LTBP1: variants seen among roughly 807,000 people sequenced by gnomAD.
The protein encoded by LTBP1 is latent transforming growth factor beta binding protein 1, also known as latent-transforming growth factor beta-binding protein 1.
LTBP1 carries 129 observed loss-of-function variants against 207.6 expected under a neutral mutation model. That is an observed-to-expected ratio of 0.62 (90% confidence interval 0.54 to 0.72). LTBP1 has a LOEUF of 0.72. Among genes scored for constraint, LTBP1 ranks in the 30% least tolerant of loss-of-function variants. LTBP1 has a pLI of 0.00. For missense variants in LTBP1, 2,281 were observed against 2,217.2 expected (o/e 1.03, Z -0.58); for synonymous variants, 963 against 833.7 (o/e 1.16, Z -2.67).
intron 3 of LTBP1, among the ~76,000 whole-genome samples, chr2:33,098,171 A>G (rs218212): frequency 0.96 from 146,932 of 152,276 alleles, 71,088 homozygotes; most frequent in East Asian, 1. Flanking sequence ...ATGTAATCTC[A>G]TTATGATTGC....
rs535055313 is a variant in LTBP1 at position 33,193,644 on chromosome 2, A to T, written c.1701+4793A>T. ...CAAGTTTTTCTGACAGCATGCTCTC[A>T]CTTTGTGTCTCTGTCACATGTTGGT... is the stretch of plus-strand genomic sequence containing the variant. On this transcript the variant is annotated intron_variant, in intron 7 of 33. Transcript: ENST00000404816. 2.6e-5 allele frequency among the ~76,000 whole-genome samples: 4 copies of T among 152,280 alleles called. No homozygotes were observed. The South Asian group carries it at 6.2e-4, about 24-fold the overall frequency.
At chr2:33,275,501 T>A (rs1462544239) in intron 17 of LTBP1, among the ~76,000 whole-genome samples, 2 of 151,952 alleles carry the variant, frequency 1.3e-5, no homozygotes, top group African/African-American at 4.8e-5. Flanking sequence ...CCTGACCAAC[T>A]TGGAGAAACC....
chr2:33,259,637 T>C, intron 13 of LTBP1, 27 bp downstream of exon 13: 12 of 1,590,908 alleles, frequency 7.5e-6, no homozygotes, highest in Non-Finnish European at 9.4e-6. Flanking sequence ...TTGCAAGTCT[T>C]TTTTTTTCAA....
intron 3 of LTBP1, among the ~76,000 whole-genome samples, chr2:33,101,196 A>G (rs2079712947): frequency 1.3e-5 from 2 of 152,198 alleles, no homozygotes; most frequent in Admixed American, 1.3e-4. Context: ...TGACCCTAGG[A>G]TTGCTGAATG....
chr2:33,063,622 T>TC (rs1249425396), intron 3 of LTBP1, among the ~76,000 whole-genome samples: 1 of 152,174 alleles, frequency 6.6e-6, no homozygotes, highest in Non-Finnish European at 1.5e-5. Context: ...ACATAAATAT[T>TC]AAAAGTTTTT....
intron 18 of LTBP1, among the ~76,000 whole-genome samples, chr2:33,279,592 C>T (rs1056876881): frequency 4.6e-5 from 7 of 152,060 alleles, no homozygotes; most frequent in African/African-American, 1.4e-4. Context: ...TTCTTGGGCC[C>T]ATGAAGCCAA....
At chr2:33,219,270 C>G (rs1036981964) in intron 8 of LTBP1, among the ~76,000 whole-genome samples, 3 of 152,104 alleles carry the variant, frequency 2.0e-5, no homozygotes, top group African/African-American at 4.8e-5. Context: ...AGCAGATGTT[C>G]TAAGCTGATT....
Position 33,393,114 on chromosome 2 carries a change from T to A in LTBP1, c.4834+3808T>A, listed in dbSNP as rs546272550. 1.6e-4 allele frequency among the ~76,000 whole-genome samples: 25 copies of A among 152,096 alleles called. No homozygotes were observed. In the East Asian group the frequency reaches 4.6e-3, roughly 28 times the overall value. On this transcript the variant is annotated intron_variant, in intron 32 of 33. Transcript: ENST00000404816. ...GGTTTGTTACATAGGCAACATGTCA[T>A]GGGGGTTAGTGGTACAGATTATTAC...
chr2:33,184,197 G>A lies in LTBP1; in HGVS notation c.1202-2659G>A, dbSNP rs74590424. On this transcript the variant is annotated intron_variant, in intron 5 of 33. Transcript: ENST00000404816. ...CTCTCTCTCCTTTCCAGCTAATCCCGCATGCCATCACTGGAGTAATCTTCC... is the reference window on the plus strand; with the variant it reads ...CTCTCTCTCCTTTCCAGCTAATCCCACATGCCATCACTGGAGTAATCTTCC... Among the ~76,000 whole-genome samples the A allele has an allele frequency of 9.5e-3, 1,449 of 151,948 alleles. 22 individuals carry two copies. The highest frequency in any genetic ancestry group is 0.034 in the African/African-American group (1,396 of 41,420).
chr2:33,377,722 T>G (rs1354512491), intron 31 of LTBP1, among the ~76,000 whole-genome samples: 1 of 152,248 alleles, frequency 6.6e-6, no homozygotes, highest in Non-Finnish European at 1.5e-5. Flanking sequence ...TTTACACTGC[T>G]ATAAAGATAC....
At chr2:33,274,022 T>C (rs2093374124) in intron 16 of LTBP1, among the ~76,000 whole-genome samples, 1 of 152,192 alleles carries the variant, frequency 6.6e-6, no homozygotes, top group African/African-American at 2.4e-5. Context: ...GGTGAAATAA[T>C]TTCCAAAAGC....
chr2:33,185,515 A>G (rs138616316), intron 5 of LTBP1, among the ~76,000 whole-genome samples: 4 of 152,372 alleles, frequency 2.6e-5, no homozygotes, highest in Admixed American at 6.5e-5. Context: ...TCATAGAGAA[A>G]GAGTGTGTAG....
intron 5 of LTBP1, among the ~76,000 whole-genome samples, chr2:33,181,549 C>G (rs1342492835): frequency 1.3e-5 from 2 of 152,200 alleles, no homozygotes; most frequent in Non-Finnish European, 2.9e-5. Context: ...ATTACACTTT[C>G]TGGAGTAACA....
intron 5 of LTBP1, among the ~76,000 whole-genome samples, chr2:33,142,213 G>A (rs910388299): frequency 2.6e-5 from 4 of 152,024 alleles, no homozygotes; most frequent in East Asian, 1.9e-4. Flanking sequence ...CACCACGCCC[G>A]GCTAATTTTT....
chr2:33,195,902 G>T (rs1020551388), intron 7 of LTBP1, among the ~76,000 whole-genome samples: 23 of 152,220 alleles, frequency 1.5e-4, no homozygotes, highest in Admixed American at 2.0e-4. Context: ...CATCCTGATT[G>T]GTTGACAGTC....
intron 2 of LTBP1, among the ~76,000 whole-genome samples, chr2:32,994,665 C>G (rs748434446): frequency 7.9e-5 from 12 of 152,056 alleles, no homozygotes; most frequent in Non-Finnish European, 1.8e-4. Context: ...CGGGGTTTCT[C>G]CATGTTGATC....
chr2:33,280,355 G>A (rs577190217), intron 19 of LTBP1, among the ~76,000 whole-genome samples, 197 bp downstream of exon 19: 22 of 152,268 alleles, frequency 1.4e-4, no homozygotes, highest in South Asian at 2.1e-4. Context: ...TAAGATTCTC[G>A]ATGGGGAAAA....
chr2:33,135,221 A>G (rs999699991), intron 5 of LTBP1, among the ~76,000 whole-genome samples: 1 of 152,246 alleles, frequency 6.6e-6, no homozygotes, highest in Admixed American at 6.5e-5. Flanking sequence ...ATGGGAATAT[A>G]TATAGTAGAA....
At chr2:33,238,341 T>A (rs1196332019) in intron 9 of LTBP1, among the ~76,000 whole-genome samples, 1 of 152,200 alleles carries the variant, frequency 6.6e-6, no homozygotes, top group African/African-American at 2.4e-5. Flanking sequence ...CAGTAAATTC[T>A]TACTCACTTT....
Sources: gnomAD v4.1 joint callset for allele counts (sites outside exome capture counted in the v4.1 genomes callset) on GRCh38, gnomAD v4.1.1 for gene constraint, MANE v1.5 for transcripts, NCBI Gene and HGNC (gene_info 2026-07-23, HGNC 2026-07-21) for gene names.